The following CDK14 variants were observed in gnomAD, a reference collection of about 807,000 sequenced individuals.
The protein encoded by CDK14 is cyclin-dependent kinase 14.
A neutral mutation model predicts 60.7 loss-of-function variants in CDK14; 34 were observed. The ratio of observed to expected loss-of-function variants is 0.56; its 90% CI spans 0.43 to 0.75. The LOEUF (loss-of-function observed/expected upper bound fraction) is 0.75. Ranked by LOEUF, CDK14 falls within the 30% of genes least tolerant of loss-of-function variation. The probability of loss-of-function intolerance (pLI) is 0.00; values close to 1 mark genes in which losing one functional copy is unlikely to be tolerated. For missense variants in CDK14, 482 were observed against 564.1 expected (o/e 0.85, Z 1.47); for synonymous variants, 197 against 203.7 (o/e 0.97, Z 0.28).
At chr7:91,143,850 C>T (rs55781135) in intron 14 of CDK14, among the ~76,000 whole-genome samples, 5,219 of 152,116 alleles carry the variant, frequency 0.034, 160 homozygotes, top group Non-Finnish European at 0.046. Context: ...TGTTCTTATC[C>T]CCGTTTTGCA....
In CDK14 at chr7:91,117,370, T is replaced by G. The variant is rs74340937; in HGVS notation, c.1295-695T>G. Among the ~76,000 whole-genome samples, 477 of 152,072 alleles carry G rather than the reference T, an allele frequency of 3.1e-3. 3 individuals carry two copies. Among genetic ancestry groups the G allele is most frequent in the African/African-American group, 9.8e-3 (406 of 41,494 alleles). Reference sequence around the variant, plus strand: ...CATCTTTCACCCACATTTTTACAGTTGCCTCCTACCTGGTTTGCCTGCTTC... The same window carrying G: ...CATCTTTCACCCACATTTTTACAGTGGCCTCCTACCTGGTTTGCCTGCTTC... On this transcript the variant is annotated intron_variant, in intron 13 of 14. Coordinates refer to ENST00000380050, the MANE Select transcript of CDK14 (RefSeq NM_001287135.2).
At chr7:90,668,287 T>C (rs1801026162) in intron 2 of CDK14, among the ~76,000 whole-genome samples, 1 of 152,214 alleles carries the variant, frequency 6.6e-6, no homozygotes, top group South Asian at 2.1e-4. Flanking sequence ...CACTTTTTCA[T>C]TGGGGTATTA....
At chr7:91,120,329 A>G (rs1225343529) in intron 14 of CDK14, among the ~76,000 whole-genome samples, 1 of 151,212 alleles carries the variant, frequency 6.6e-6, no homozygotes, top group African/African-American at 2.4e-5. Flanking sequence ...TGCTAATTGA[A>G]AAGAGATTTT....
intron 14 of CDK14, among the ~76,000 whole-genome samples, chr7:91,194,106 C>T (rs1034529734): frequency 3.3e-5 from 5 of 152,162 alleles, no homozygotes; most frequent in African/African-American, 1.2e-4. Flanking sequence ...TTTTACCAGA[C>T]ATACATCAGT....
At chr7:90,894,838 A>G (rs377320209) in intron 6 of CDK14, among the ~76,000 whole-genome samples, 10 of 152,328 alleles carry the variant, frequency 6.6e-5, no homozygotes, top group African/African-American at 2.4e-4. Flanking sequence ...GATCACATTA[A>G]CATATGTTTT....
chr7:90,650,588 T>G (rs1302859636), intron 2 of CDK14, among the ~76,000 whole-genome samples: 1 of 152,218 alleles, frequency 6.6e-6, no homozygotes, highest in South Asian at 2.1e-4. Context: ...TTTATGGTTT[T>G]AGGTCTAACA....
chr7:91,045,445 C>G (rs180975927), intron 10 of CDK14, among the ~76,000 whole-genome samples: 1 of 152,232 alleles, frequency 6.6e-6, no homozygotes, highest in African/African-American at 2.4e-5. Flanking sequence ...TCGACCCTGC[C>G]TCTTTGAAAC....
In CDK14 at chr7:91,135,699, G is replaced by A. The variant is rs149678708; in HGVS notation, c.*28+17491G>A. Among the ~76,000 whole-genome samples the A allele has an allele frequency of 4.3e-4, 65 of 152,236 alleles. No individual in the cohort carries two copies. The East Asian group carries it at 0.01, about 24-fold the overall frequency. ...CTTGAGGTTGTCCTAGCAAAGTTACGTTCTTGAGGGTTGTTTGCACACTAT... is the reference window on the plus strand; with the variant it reads ...CTTGAGGTTGTCCTAGCAAAGTTACATTCTTGAGGGTTGTTTGCACACTAT... On this transcript the variant is annotated intron_variant, in intron 14 of 14. Transcript: ENST00000380050.
At chr7:91,067,303 C>T (rs1038955432) in intron 11 of CDK14, among the ~76,000 whole-genome samples, 7 of 152,100 alleles carry the variant, frequency 4.6e-5, no homozygotes, top group East Asian at 1.9e-4. Context: ...ATGTCATGTT[C>T]GTGGCAGAAA....
intron 2 of CDK14, among the ~76,000 whole-genome samples, chr7:90,682,923 C>T (rs1801350267): frequency 6.6e-6 from 1 of 152,116 alleles, no homozygotes; most frequent in Non-Finnish European, 1.5e-5. Flanking sequence ...ATATTGTGCC[C>T]TCAGGGTTTC....
intron 11 of CDK14, among the ~76,000 whole-genome samples, chr7:91,047,433 G>C (rs995425115): frequency 6.6e-6 from 1 of 152,184 alleles, no homozygotes; most frequent in Non-Finnish European, 1.5e-5. Flanking sequence ...TGGAAAGTAC[G>C]AGGATGTGGT....
chr7:90,642,037 A>G (rs1050144003), intron 2 of CDK14, among the ~76,000 whole-genome samples: 3 of 152,196 alleles, frequency 2.0e-5, no homozygotes, highest in Non-Finnish European at 4.4e-5. Flanking sequence ...TGATTCAGTT[A>G]TCTCCCACTG....
intron 2 of CDK14, among the ~76,000 whole-genome samples, chr7:90,718,100 G>A (rs558538671): frequency 8.4e-4 from 128 of 152,152 alleles, no homozygotes; most frequent in Non-Finnish European, 1.7e-3. Context: ...AATGATATAA[G>A]GGCAGGACTA....
intron 5 of CDK14, among the ~76,000 whole-genome samples, chr7:90,803,946 C>T (rs749056554): frequency 6.6e-6 from 1 of 152,130 alleles, no homozygotes; most frequent in African/African-American, 2.4e-5. Flanking sequence ...ATATTCTAAC[C>T]AGGGCCTAGA....
intron 10 of CDK14, among the ~76,000 whole-genome samples, chr7:90,998,837 G>T (rs918516265): frequency 2.0e-5 from 3 of 151,986 alleles, no homozygotes; most frequent in African/African-American, 7.2e-5. Flanking sequence ...TGCAGTGAGC[G>T]GAGATCGCGC....
intron 3 of CDK14, among the ~76,000 whole-genome samples, chr7:90,745,831 A>C (rs1042756874): frequency 5.3e-5 from 8 of 151,998 alleles, no homozygotes; most frequent in African/African-American, 1.9e-4. Flanking sequence ...ATGATTTGTG[A>C]TTTTTGGTTG....
intron 14 of CDK14, among the ~76,000 whole-genome samples, chr7:91,124,078 G>A (rs1295352653): frequency 6.6e-6 from 1 of 152,006 alleles, no homozygotes; most frequent in African/African-American, 2.4e-5. Context: ...TGTAAAGATG[G>A]AGTCTCGCTA....
At chr7:90,850,414 TG>T (rs1211969629) in intron 5 of CDK14, among the ~76,000 whole-genome samples, 2 of 151,752 alleles carry the variant, frequency 1.3e-5, no homozygotes, top group Non-Finnish European at 2.9e-5. Context: ...AATGAGTGAG[TG>T]GGGGATATAG....
intron 5 of CDK14, among the ~76,000 whole-genome samples, chr7:90,818,906 GTGTA>G (rs959442230): frequency 4.6e-4 from 52 of 113,180 alleles, no homozygotes; most frequent in Middle Eastern, 4.8e-3. Context: ...GTGTGTGTGT[GTGTA>G]TATATATATA....
Sources: gnomAD v4.1 joint callset for allele counts (sites outside exome capture counted in the v4.1 genomes callset) on GRCh38, gnomAD v4.1.1 for gene constraint, MANE v1.5 for transcripts, NCBI Gene and HGNC (gene_info 2026-07-23, HGNC 2026-07-21) for gene names.